Variants in FNIP1 observed in about 807,000 individuals in gnomAD.
The protein encoded by FNIP1 is folliculin interacting protein 1, also known as folliculin-interacting protein 1.
In FNIP1, 40 loss-of-function variants were observed where a neutral mutation model predicts 124.5. The observed-to-expected ratio is 0.32, with a 90% CI of 0.25 to 0.42. The LOEUF (loss-of-function observed/expected upper bound fraction) is 0.42, where lower values mean the gene tolerates loss of function less well. Ranked by LOEUF, FNIP1 falls within the 10% of genes least tolerant of loss-of-function variation. The pLI is 1.00. For synonymous variants in FNIP1, 472 were observed against 470.6 expected (o/e 1.00, Z -0.04); for missense variants, 1,176 against 1,403.7 (o/e 0.84, Z 2.59).
intron 15 of FNIP1, among the ~76,000 whole-genome samples, chr5:131,664,245 A>G (rs1276464669): frequency 6.6e-6 from 1 of 152,210 alleles, no homozygotes; most frequent in Non-Finnish European, 1.5e-5. Flanking sequence ...ATTATAAAAG[A>G]TTAAAAAAGG....
In FNIP1 at chr5:131,719,025, G is replaced by T; in HGVS notation, c.491C>A (p.Thr164Asn). The T allele has an allele frequency of 6.2e-7, 1 of 1,613,594 alleles. No individual in the cohort carries two copies. The highest frequency in any genetic ancestry group is 8.5e-7 in the Non-Finnish European group (1 of 1,179,634). ...ACAAATACTGCTGCCAGTCCGAGCA[G>T]TAAACACTTTGCTGAGCATGAGCTG... ...PPQLMLSKVF[T>N]ARTGSSICGS... is the part of the protein sequence containing the mutation. Residue 164 changes from threonine to asparagine, a missense_variant, in exon 5 of 18, where the codon ACT becomes AAT. Thr to Asn is a moderately conservative substitution (Grantham distance 65). Around this residue, in one of 2 missense-constraint regions of FNIP1, gnomAD observed 1,109 missense variants for 1,288.5 expected, o/e 0.86. Transcript: ENST00000510461.
At chr5:131,652,620 CG>C (rs1322076148) in intron 15 of FNIP1, among the ~76,000 whole-genome samples, 3 of 152,108 alleles carry the variant, frequency 2.0e-5, no homozygotes, top group Non-Finnish European at 4.4e-5. Flanking sequence ...GGATTACAGG[CG>C]TGAGACACTG....
intron 11 of FNIP1, 121 bp downstream of exon 11, chr5:131,698,796 T>TA: frequency 1.4e-6 from 1 of 737,912 alleles, no homozygotes; most frequent in Non-Finnish European, 2.1e-6. Flanking sequence ...TCTACTGAAT[T>TA]ACACCATCAT....
In FNIP1 at chr5:131,716,651, T is replaced by G; in HGVS notation, c.536A>C (p.Gln179Pro). Residue 179 changes from glutamine to proline, a missense_variant, in exon 6 of 18, where the codon CAA (glutamine) becomes CCA (proline). Gln to Pro is a moderately conservative substitution (Grantham distance 76). This residue lies in a region of FNIP1 where 1,109 missense variants were observed against 1,288.5 expected (regional missense o/e 0.86). Coordinates refer to ENST00000510461, the MANE Select transcript of FNIP1 (RefSeq NM_133372.3). ...CTGATTGATGAATTCAAGACTATCT[T>G]GTAGCCTATGGAGGGTGAGAAGAAA... ...SSICGSLNTLQDSLEFINQDN... is the reference protein window; with the variant it reads ...SSICGSLNTLPDSLEFINQDN... The G allele has an allele frequency of 4.4e-6, 7 of 1,583,996 alleles. No homozygotes were observed. The highest frequency in any genetic ancestry group is 6.0e-6 in the Non-Finnish European group (7 of 1,163,692).
chr5:131,795,476 C>T (rs962144229), intron 1 of FNIP1: 2 of 152,272 alleles, frequency 1.3e-5, no homozygotes, highest in African/African-American at 4.8e-5. Flanking sequence ...CAAATGCCAC[C>T]TTTTAAATAT....
intron 14 of FNIP1, 131 bp from the exon 15 acceptor site, chr5:131,670,762 C>G: frequency 1.8e-6 from 1 of 570,174 alleles, no homozygotes; most frequent in Non-Finnish European, 2.9e-6. Flanking sequence ...GTAAAATCAT[C>G]CTTATATAAT....
In FNIP1 at chr5:131,677,957, G is replaced by A. The variant is rs1404667349; in HGVS notation, c.1350-85C>T. 2.1e-6 allele frequency: 3 copies of A among 1,406,642 alleles called. No individual in the cohort carries two copies. The African/African-American group carries it at 4.3e-5, about 20-fold the overall frequency. The allele number at this position is 1,406,642 out of a possible 1,614,324, so 87.1% of individuals were successfully genotyped here. A position where few individuals can be genotyped will look rare whatever the true frequency, so the allele number is the denominator to read the frequency against. On this transcript the variant is annotated intron_variant, in intron 12 of 17. Transcript: ENST00000510461. ...TGTAGTGAAAAAGTAAGCAAGGGGA[G>A]TATATATGTTCATGTGGCCAAATGG... is the stretch of plus-strand genomic sequence containing the variant.
At chr5:131,699,511 A>G (rs1415091014) in intron 10 of FNIP1, among the ~76,000 whole-genome samples, 2 of 149,874 alleles carry the variant, frequency 1.3e-5, no homozygotes, top group East Asian at 4.0e-4. Flanking sequence ...TTCCTGCCTC[A>G]GTCTCCCGAG....
chr5:131,724,626 T>C (rs572281145), intron 3 of FNIP1, among the ~76,000 whole-genome samples: 2 of 152,236 alleles, frequency 1.3e-5, no homozygotes, highest in African/African-American at 4.8e-5. Context: ...GATGGGCTAA[T>C]TGCAAAAGTT....
intron 2 of FNIP1, among the ~76,000 whole-genome samples, chr5:131,735,372 T>C (rs886681526): frequency 6.6e-6 from 1 of 151,870 alleles, no homozygotes; most frequent in Non-Finnish European, 1.5e-5. Flanking sequence ...GACGAGTTAA[T>C]GGGTGCAGCA....
At chr5:131,652,503 C>T (rs1308858243) in intron 15 of FNIP1, among the ~76,000 whole-genome samples, 4 of 152,126 alleles carry the variant, frequency 2.6e-5, no homozygotes, top group Admixed American at 1.3e-4. Context: ...TACAGGCACA[C>T]GCCACCACGC....
At chr5:131,786,606 G>A (rs1772228126) in intron 1 of FNIP1, among the ~76,000 whole-genome samples, 1 of 152,222 alleles carries the variant, frequency 6.6e-6, no homozygotes, top group South Asian at 2.1e-4. Flanking sequence ...ACATGTCAGA[G>A]ACTGAATCCT....
chr5:131,725,385 G>T (rs906201515), intron 3 of FNIP1, among the ~76,000 whole-genome samples: 2 of 152,090 alleles, frequency 1.3e-5, no homozygotes, highest in African/African-American at 4.8e-5. Context: ...TTGAGCAGTG[G>T]TTTGTAGTTC....
chr5:131,776,699 G>A (rs564545951), intron 1 of FNIP1, among the ~76,000 whole-genome samples: 113 of 152,264 alleles, frequency 7.4e-4, no homozygotes, highest in African/African-American at 2.6e-3. Flanking sequence ...CATTTACACA[G>A]AGTTAAACAG....
rs137930723 is a variant in FNIP1 at position 131,729,194 on chromosome 5, T to A, written c.354+1710A>T. ...CCACTTGAGGAGGTAGTCTGTCCCT[T>A]ACCAGAGCTTGAAAGCTGTGCTGAG... On this transcript the variant is annotated intron_variant, in intron 3 of 17. Transcript: ENST00000510461. Among the ~76,000 whole-genome samples the A allele has an allele frequency of 6.0e-3, 914 of 152,300 alleles. 9 individuals carry two copies. The highest frequency in any genetic ancestry group is 0.021 in the African/African-American group (878 of 41,558).
intron 8 of FNIP1, 136 bp downstream of exon 8, chr5:131,709,065 T>TG: frequency 3.0e-6 from 2 of 677,458 alleles, no homozygotes; most frequent in Non-Finnish European, 2.5e-6. Context: ...TATAAGACTT[T>TG]GCTCTGGTCT....
chr5:131,671,914 T>C lies in FNIP1; in HGVS notation c.2530A>G (p.Ile844Val), dbSNP rs7717874. ...LFDEYFNDDS[I>V]ETRTIDDVPF... Reference sequence around the variant, plus strand: ...ACATCATCAATAGTCCTGGTTTCGATTGAATCATCATTAAAATATTCGTCG... The same window carrying C: ...ACATCATCAATAGTCCTGGTTTCGACTGAATCATCATTAAAATATTCGTCG... The change falls in exon 14 of 18, where the codon ATC (isoleucine) becomes GTC (valine). Residue 844 changes from isoleucine (I) to valine (V), a missense_variant. Ile to Val is a conservative substitution (Grantham distance 29, BLOSUM62 3). Coordinates refer to ENST00000510461, the MANE Select transcript of FNIP1 (RefSeq NM_133372.3). The C allele has an allele frequency of 1.5e-3, 2,465 of 1,614,218 alleles. 18 individuals are homozygous for C. In the African/African-American group the frequency reaches 0.021, roughly 14 times the overall value.
chr5:131,653,011 C>T (rs1359029194), intron 15 of FNIP1, among the ~76,000 whole-genome samples: 2 of 152,092 alleles, frequency 1.3e-5, no homozygotes, highest in African/African-American at 4.8e-5. Context: ...GACTTATTCA[C>T]ACAAATAAGT....
At position 131,731,039 on chromosome 5, in the gene FNIP1, C is replaced by A; in HGVS notation, c.220-1G>T. The A allele has an allele frequency of 6.3e-7, 1 of 1,598,688 alleles. No homozygotes were observed. The highest frequency in any genetic ancestry group is 2.2e-5 in the East Asian group (1 of 44,634). Reference sequence around the variant, plus strand: ...TAACTTGAGCATCACTGCCGAGTTTCTGAAATAACAGATATTTCCACTCAT... The same window carrying A: ...TAACTTGAGCATCACTGCCGAGTTTATGAAATAACAGATATTTCCACTCAT... On this transcript the variant is annotated splice_acceptor_variant, in intron 2 of 17. Transcript: ENST00000510461. LOFTEE classifies it high-confidence loss of function.
Sources: gnomAD v4.1 joint callset for allele counts (sites outside exome capture counted in the v4.1 genomes callset) on GRCh38, gnomAD v4.1.1 for gene constraint, gnomAD v4.1.1 regional missense constraint, MANE v1.5 for transcripts, NCBI Gene and HGNC (gene_info 2026-07-23, HGNC 2026-07-21) for gene names.